The following CAST variants were observed in gnomAD, a reference collection of about 807,000 sequenced individuals.
CAST encodes the protein MIR583 host.
Under a neutral mutation model 119.6 loss-of-function variants are expected in CAST, and 76 were observed. The ratio of observed to expected loss-of-function variants is 0.64; its 90% CI spans 0.53 to 0.77. The LOEUF (loss-of-function observed/expected upper bound fraction) is 0.77. Among genes scored for constraint, CAST ranks in the 30% least tolerant of loss-of-function variants. CAST has a pLI of 0.00. For missense variants in CAST, 953 were observed against 946.5 expected (o/e 1.01, Z -0.09); for synonymous variants, 319 against 331.6 (o/e 0.96, Z 0.41).
the CAST span, among the ~76,000 whole-genome samples, chr5:95,987,090 T>C: frequency 6.6e-6 from 1 of 152,132 alleles, no homozygotes; most frequent in East Asian, 1.9e-4. Flanking sequence ...TTTAAATCCC[T>C]GAGCTGAGCT....
chr5:96,311,084 A>C, the CAST span, among the ~76,000 whole-genome samples: 1 of 151,976 alleles, frequency 6.6e-6, no homozygotes, highest in Non-Finnish European at 1.5e-5. Context: ...GTTTCCTCTT[A>C]CAACTGCTTT....
At chr5:96,320,895 A>C in the CAST span, among the ~76,000 whole-genome samples, 1 of 152,206 alleles carries the variant, frequency 6.6e-6, no homozygotes, top group Non-Finnish European at 1.5e-5. Flanking sequence ...CTGCAGTCTG[A>C]ATCTGATAGT....
At chr5:96,057,862 T>C in the CAST span, among the ~76,000 whole-genome samples, 2 of 152,216 alleles carry the variant, frequency 1.3e-5, no homozygotes, top group East Asian at 3.8e-4. Context: ...TTAGATGTTA[T>C]ATTTTTGGTT....
chr5:96,761,037 G>A (rs574495631), intron 24 of CAST: 26 of 152,086 alleles, frequency 1.7e-4, no homozygotes, highest in African/African-American at 6.0e-4. Context: ...TCAAAGCATA[G>A]ATCAATGAAA....
the CAST span, among the ~76,000 whole-genome samples, chr5:96,311,871 C>G: frequency 6.6e-6 from 1 of 151,914 alleles, no homozygotes; most frequent in African/African-American, 2.4e-5. Flanking sequence ...TTTATTCACT[C>G]TATGTCTTTT....
chr5:96,740,770 C>T lies in CAST; in HGVS notation c.905C>T (p.Pro302Leu), dbSNP rs776736005. 1.9e-6 allele frequency: 3 copies of T among 1,596,458 alleles called. No homozygotes were observed. Among genetic ancestry groups the T allele is most frequent in the Non-Finnish European group, 2.6e-6 (3 of 1,163,778 alleles). ...LAKKEGITGP[P>L]ADSSKPIGPD... The stretch of plus-strand genomic sequence containing the variant: ...AAAAAGGAAGGGATCACAGGGCCTC[C>T]TGCAGACTCTTCGGTGAGTTTACAT... Residue 302 changes from proline (P) to leucine (L), a missense_variant, in exon 13 of 32, where the codon CCT becomes CTT. By Grantham distance (98) the Pro-to-Leu change is moderately conservative (BLOSUM62 -3). Coordinates refer to ENST00000675179, the MANE Select transcript of CAST (RefSeq NM_001750.7).
At chr5:96,156,470 T>G in the CAST span, among the ~76,000 whole-genome samples, 2 of 152,196 alleles carry the variant, frequency 1.3e-5, no homozygotes, top group African/African-American at 4.8e-5. Context: ...ATGCATCTCT[T>G]TAGTATAAGA....
chr5:96,198,440 TGTTTCTGAA>T, the CAST span, among the ~76,000 whole-genome samples: 8 of 152,130 alleles, frequency 5.3e-5, no homozygotes, highest in Admixed American at 4.6e-4. Flanking sequence ...ATACTTACAT[TGTTTCTGAA>T]GTGGGGACCA....
the CAST span, among the ~76,000 whole-genome samples, chr5:96,473,210 C>A: frequency 6.6e-6 from 1 of 152,232 alleles, no homozygotes; most frequent in Non-Finnish European, 1.5e-5. Flanking sequence ...AGGACACCCA[C>A]TCCAGTCACT....
chr5:96,558,680 C>T (rs530805326), intron 1 of CAST, among the ~76,000 whole-genome samples: 40 of 152,254 alleles, frequency 2.6e-4, no homozygotes, highest in African/African-American at 8.4e-4. Flanking sequence ...TGTCTGAATA[C>T]ATCAATGATT....
At chr5:96,116,408 G>A in the CAST span, among the ~76,000 whole-genome samples, 1 of 152,156 alleles carries the variant, frequency 6.6e-6, no homozygotes, top group African/African-American at 2.4e-5. Context: ...GCTGCTATGA[G>A]TATTCATGTA....
chr5:96,485,251 C>G, the CAST span, among the ~76,000 whole-genome samples: 1 of 152,268 alleles, frequency 6.6e-6, no homozygotes, highest in East Asian at 1.9e-4. Context: ...CGAACACTCA[C>G]AAGTCAATGT....
the CAST span, among the ~76,000 whole-genome samples, chr5:96,056,376 G>C: frequency 6.6e-6 from 1 of 152,090 alleles, no homozygotes; most frequent in Non-Finnish European, 1.5e-5. Context: ...CTTCCTTTGG[G>C]CTATAAGAAT....
intron 1 of CAST, among the ~76,000 whole-genome samples, chr5:96,592,203 C>T (rs890141775): frequency 2.0e-4 from 30 of 151,984 alleles, no homozygotes; most frequent in African/African-American, 6.0e-4. Flanking sequence ...TCGAGACCAG[C>T]CTGGCCTCTA....
chr5:96,640,379 T>C (rs1036362524), intron 1 of CAST, among the ~76,000 whole-genome samples: 1 of 152,232 alleles, frequency 6.6e-6, no homozygotes, highest in Non-Finnish European at 1.5e-5. Context: ...GAATTTGCAC[T>C]GCTAGCAAGC....
chr5:96,665,521 C>A (rs1749200535), intron 1 of CAST, among the ~76,000 whole-genome samples: 1 of 152,110 alleles, frequency 6.6e-6, no homozygotes, highest in Non-Finnish European at 1.5e-5. Flanking sequence ...AGACCATGGA[C>A]TCCTAAACTT....
At chr5:96,130,257 T>C in the CAST span, among the ~76,000 whole-genome samples, 31 of 151,996 alleles carry the variant, frequency 2.0e-4, 1 homozygote, top group African/African-American at 6.3e-4. Flanking sequence ...CAGTCCAATA[T>C]GTGAAAAAAA....
Position 96,649,154 on chromosome 5 carries a change from A to G in CAST, c.61-26385A>G, listed in dbSNP as rs146820814. ...GCTGTTCAATCTTATACAATTGCCA[A>G]AAGAATTTAAAATTAATAAAAGATT... On this transcript the variant is annotated intron_variant, in intron 1 of 11. Transcript: ENST00000505143. Among the ~76,000 whole-genome samples the G allele has an allele frequency of 2.0e-3, 312 of 152,332 alleles. 2 individuals carry two copies. Among genetic ancestry groups the G allele is most frequent in the African/African-American group, 5.8e-3 (241 of 41,576 alleles).
chr5:96,651,436 G>T (rs1748093476), intron 1 of CAST, among the ~76,000 whole-genome samples: 1 of 152,184 alleles, frequency 6.6e-6, no homozygotes, highest in South Asian at 2.1e-4. Flanking sequence ...TTTCTCTGCT[G>T]TCTTTTCAGA....
Sources: allele counts gnomAD v4.1 joint callset (sites outside exome capture counted in the v4.1 genomes callset), GRCh38; gene constraint gnomAD v4.1.1; transcripts MANE v1.5; gene names NCBI Gene and HGNC (gene_info 2026-07-23, HGNC 2026-07-21).